Variants in RBBP8 observed in about 807,000 individuals in gnomAD.
RBBP8 encodes the protein DNA endonuclease RBBP8.
Under a neutral mutation model 108.3 loss-of-function variants are expected in RBBP8, and 88 were observed. The observed-to-expected ratio is 0.81, with a 90% CI of 0.68 to 0.97. The LOEUF (loss-of-function observed/expected upper bound fraction) is 0.97. RBBP8 is among the 50% of genes least tolerant of loss of function. The probability of loss-of-function intolerance (pLI) is 0.00; values close to 1 mark genes in which losing one functional copy is unlikely to be tolerated. For missense variants in RBBP8, 1,023 were observed against 1,049.0 expected (o/e 0.98, Z 0.34); for synonymous variants, 332 against 348.2 (o/e 0.95, Z 0.52).
chr18:22,950,376 G>C (rs1431189113), intron 4 of RBBP8, among the ~76,000 whole-genome samples: 3 of 152,118 alleles, frequency 2.0e-5, no homozygotes, highest in African/African-American at 7.2e-5. Flanking sequence ...CCTGAGGCCA[G>C]ACATTCAAGA....
In RBBP8 at chr18:22,993,647, T is replaced by C. The variant is rs749886442; in HGVS notation, c.1812+8T>C. ...GTTTTAGATGACATAAAGGTTTGTG[T>C]TAAATGTTCAAGGATTTTGATTAAA... On this transcript the variant is annotated splice_region_variant and intron_variant, in intron 11 of 18. Transcript: ENST00000327155. 1.2e-6 allele frequency: 2 copies of C among 1,614,272 alleles called. No homozygotes were observed. The highest frequency in any genetic ancestry group is 2.2e-5 in the South Asian group (2 of 91,078).
intron 5 of RBBP8, 64 bp downstream of exon 5, chr18:22,968,982 TA>T: frequency 8.0e-7 from 1 of 1,252,414 alleles, no homozygotes. Context: ...GACCTATTAG[TA>T]AATTGGTTGT....
intron 7 of RBBP8, among the ~76,000 whole-genome samples, chr18:22,983,314 A>T (rs1199038815): frequency 1.3e-5 from 2 of 152,232 alleles, no homozygotes; most frequent in Non-Finnish European, 2.9e-5. Flanking sequence ...GTTGACAGTA[A>T]ATATGCCTTT....
intron 16 of RBBP8, among the ~76,000 whole-genome samples, chr18:23,011,558 TC>T (rs772059770): frequency 8.6e-5 from 13 of 151,292 alleles, no homozygotes; most frequent in Non-Finnish European, 1.9e-4. Context: ...TGCCTCAGCC[TC>T]CTGTGTAGCT....
intron 5 of RBBP8, among the ~76,000 whole-genome samples, chr18:22,974,173 G>A (rs9951157): frequency 0.51 from 77,594 of 151,934 alleles, 22,373 homozygotes; most frequent in Middle Eastern, 0.7. Context: ...CACTTCTTTT[G>A]CTAAAACACA....
intron 18 of RBBP8, among the ~76,000 whole-genome samples, chr18:23,025,692 A>G (rs548589953): frequency 6.6e-6 from 1 of 152,362 alleles, no homozygotes; most frequent in East Asian, 1.9e-4. Context: ...TTATAATAGT[A>G]GAGTTCATGT....
In RBBP8 at chr18:22,975,197, G is replaced by T; in HGVS notation, c.406G>T (p.Glu136Ter). Residue 136 changes from glutamate to a stop codon, truncating the protein, a stop_gained, in exon 6 of 19, where the codon GAA (glutamate) becomes TAA (stop). Transcript: ENST00000327155. LOFTEE classifies it high-confidence loss of function. ...TLQEENKKLS[E>*]QLQQKIENDQ... ...ACAGGAAGAAAATAAAAAGCTTTCT[G>T]AACAACTCCAGCAGAAAATTGAGTA... The T allele has an allele frequency of 6.2e-7, 1 of 1,612,696 alleles. No individual in the cohort carries two copies.
At chr18:22,980,558 T>C (rs975161751) in intron 6 of RBBP8, among the ~76,000 whole-genome samples, 1 of 151,582 alleles carries the variant, frequency 6.6e-6, no homozygotes, top group East Asian at 1.9e-4. Flanking sequence ...TAGAGTATAA[T>C]AGGAAAAAAG....
intron 3 of RBBP8, among the ~76,000 whole-genome samples, chr18:22,949,024 C>T (rs1288920738): frequency 6.6e-6 from 1 of 152,096 alleles, no homozygotes; most frequent in Non-Finnish European, 1.5e-5. Flanking sequence ...TACTGTGTGC[C>T]ACACTGTTCC....
In RBBP8 at chr18:22,968,811, G is replaced by A; in HGVS notation, c.254G>A (p.Arg85Lys). The A allele has an allele frequency of 6.2e-7, 1 of 1,612,780 alleles. No homozygotes were observed. Among genetic ancestry groups the A allele is most frequent in the Non-Finnish European group, 8.5e-7 (1 of 1,179,076 alleles). The change falls in exon 5 of 19, where the codon AGA becomes AAA. Residue 85 changes from arginine (R) to lysine (K), a missense_variant. Transcript: ENST00000327155. Reference sequence around the variant, plus strand: ...TACCTTGTTTTGTTTCATAGGTTAAGAGCAGGCTTATGTGATCGCTGTGCA... The same window carrying A: ...TACCTTGTTTTGTTTCATAGGTTAAAAGCAGGCTTATGTGATCGCTGTGCA... ...ETIKVLEDRL[R>K]AGLCDRCAVT...
chr18:22,953,085 G>C (rs1567956394), intron 4 of RBBP8, among the ~76,000 whole-genome samples: 1 of 152,210 alleles, frequency 6.6e-6, no homozygotes, highest in Non-Finnish European at 1.5e-5. Context: ...AAGAAATGAG[G>C]CGTCTGGGAG....
chr18:22,967,157 G>A (rs1257471621), intron 4 of RBBP8, among the ~76,000 whole-genome samples: 1 of 152,106 alleles, frequency 6.6e-6, no homozygotes, highest in Admixed American at 6.5e-5. Flanking sequence ...ACGAGGTTGG[G>A]AGATCGAGAC....
intron 4 of RBBP8, among the ~76,000 whole-genome samples, chr18:22,952,871 ACAC>A (rs1261904703): frequency 6.6e-6 from 1 of 152,122 alleles, no homozygotes; most frequent in Non-Finnish European, 1.5e-5. Context: ...TTCTACCATT[ACAC>A]CACTTTCTAC....
At chr18:22,971,720 A>G (rs1040849607) in intron 5 of RBBP8, among the ~76,000 whole-genome samples, 5 of 134,588 alleles carry the variant, frequency 3.7e-5, no homozygotes, top group Non-Finnish European at 7.6e-5. Flanking sequence ...ATCTCTGCTC[A>G]CTGCAACCTC....
At chr18:22,998,341 C>T (rs1358473450) in intron 14 of RBBP8, among the ~76,000 whole-genome samples, 2 of 152,092 alleles carry the variant, frequency 1.3e-5, no homozygotes, top group Admixed American at 6.6e-5. Flanking sequence ...TGTATTCCAC[C>T]TCTACTGATA....
chr18:22,971,541 T>G (rs1914081029), intron 5 of RBBP8, among the ~76,000 whole-genome samples: 1 of 152,212 alleles, frequency 6.6e-6, no homozygotes, highest in Non-Finnish European at 1.5e-5. Flanking sequence ...GTACCTCTTT[T>G]GCCAAGTTTT....
At chr18:22,938,001 A>AT (rs1290910801) in intron 2 of RBBP8, among the ~76,000 whole-genome samples, 2 of 151,110 alleles carry the variant, frequency 1.3e-5, no homozygotes, top group African/African-American at 4.9e-5. Context: ...AATTTTATGT[A>AT]TTTTTTGTAG....
chr18:22,965,112 T>C (rs1913463607), intron 4 of RBBP8, among the ~76,000 whole-genome samples: 1 of 152,158 alleles, frequency 6.6e-6, no homozygotes, highest in South Asian at 2.1e-4. Context: ...CTTACTGTAT[T>C]CTTCATAATT....
intron 2 of RBBP8, among the ~76,000 whole-genome samples, chr18:22,941,295 G>T (rs1307181432): frequency 1.3e-5 from 2 of 151,578 alleles, no homozygotes; most frequent in Non-Finnish European, 2.9e-5. Context: ...GCTCAGCCCC[G>T]CAAGTAGCTG....
Sources: gnomAD v4.1 joint callset for allele counts (sites outside exome capture counted in the v4.1 genomes callset) on GRCh38, gnomAD v4.1.1 for gene constraint, MANE v1.5 for transcripts, NCBI Gene and HGNC (gene_info 2026-07-23, HGNC 2026-07-21) for gene names.